Variants in DLGAP2 observed in about 807,000 individuals in gnomAD.
DLGAP2 encodes disks large-associated protein 2.
A neutral mutation model predicts 100.3 loss-of-function variants in DLGAP2; 26 were observed. The ratio of observed to expected loss-of-function variants is 0.26; its 90% CI spans 0.19 to 0.36. The LOEUF is 0.36. Among genes scored for constraint, DLGAP2 ranks in the 10% least tolerant of loss-of-function variants. The pLI is 1.00. For synonymous variants in DLGAP2, 886 were observed against 630.1 expected, an observed-to-expected ratio of 1.41 and a Z score of -6.08; for missense variants, 1,858 against 1,453.2, an observed-to-expected ratio of 1.28 and a Z score of -4.53.
At position 851,232 on chromosome 8, in the gene DLGAP2, C is replaced by T. The variant is rs551115650; in HGVS notation, c.19-56680C>T. ...CCCGGGAGCTGTGGGCTGTGCCATT[C>T]AACCCAGGGGTGTGGTAGAACGCAC... On this transcript the variant is annotated intron_variant, in intron 1 of 14. Transcript: ENST00000637795. Among the ~76,000 whole-genome samples the T allele has an allele frequency of 2.6e-5, 4 of 152,328 alleles. No homozygotes were observed. In the East Asian group the frequency reaches 7.7e-4, roughly 29 times the overall value.
chr8:1,006,342 G>A (rs1469214447), intron 2 of DLGAP2, among the ~76,000 whole-genome samples: 2 of 152,024 alleles, frequency 1.3e-5, no homozygotes, highest in Non-Finnish European at 2.9e-5. Context: ...CACGTCAGGG[G>A]TGCCCTGCGT....
At position 912,408 on chromosome 8, in the gene DLGAP2, G is replaced by T. The variant is rs529555099; in HGVS notation, c.73+4442G>T. On this transcript the variant is annotated intron_variant, in intron 2 of 14. Transcript: ENST00000637795. ...ATGGAAACTCCTGACTCTGAAATCA[G>T]GTCCCCGCAGCAATGTGCTGGTCCG... Among the ~76,000 whole-genome samples, 5 of 152,274 alleles carry T rather than the reference G, an allele frequency of 3.3e-5. No individual in the cohort carries two copies. The South Asian group carries it at 1.0e-3, about 32-fold the overall frequency.
intron 2 of DLGAP2, among the ~76,000 whole-genome samples, chr8:1,179,492 C>G (rs1428794757): frequency 6.6e-6 from 1 of 152,276 alleles, no homozygotes; most frequent in Non-Finnish European, 1.5e-5. Flanking sequence ...AGAGACGTGG[C>G]TGCCCCACAG....
chr8:1,691,335 C>G (rs1409044658), intron 12 of DLGAP2, among the ~76,000 whole-genome samples, 200 bp from the exon 13 acceptor site: 2 of 152,182 alleles, frequency 1.3e-5, no homozygotes, highest in African/African-American at 2.4e-5. Context: ...ACAGTGACAT[C>G]TGGTCATCTC....
intron 4 of DLGAP2, among the ~76,000 whole-genome samples, chr8:1,529,745 A>C (rs1253949016): frequency 6.6e-6 from 1 of 152,244 alleles, no homozygotes; most frequent in South Asian, 2.1e-4. Flanking sequence ...ATATTCACGT[A>C]GGTTCTTTTC....
chr8:1,024,935 G>A (rs977075810), intron 2 of DLGAP2, among the ~76,000 whole-genome samples: 2 of 152,214 alleles, frequency 1.3e-5, no homozygotes, highest in African/African-American at 4.8e-5. Context: ...CTGGAATGAC[G>A]GACAGAGGTG....
At chr8:1,106,023 A>G (rs571720323) in intron 2 of DLGAP2, among the ~76,000 whole-genome samples, 2 of 146,122 alleles carry the variant, frequency 1.4e-5, no homozygotes, top group African/African-American at 2.6e-5. Context: ...GAGCCATTCT[A>G]GGAGGATTTT....
At position 1,664,367 on chromosome 8, in the gene DLGAP2, C is replaced by A. The variant is rs527566354; in HGVS notation, c.1811-3962C>A. On this transcript the variant is annotated intron_variant, in intron 8 of 14. Coordinates refer to ENST00000637795, the MANE Select transcript of DLGAP2 (RefSeq NM_001346810.2). Reference sequence around the variant, plus strand: ...AGCTCCATCCATCTCAAGGCACGGCCAGGCTCACCCCCAGGAAGCTTCTTT... The same window carrying A: ...AGCTCCATCCATCTCAAGGCACGGCAAGGCTCACCCCCAGGAAGCTTCTTT... Among the ~76,000 whole-genome samples the A allele has an allele frequency of 6.6e-5, 10 of 152,258 alleles. No individual in the cohort carries two copies. The East Asian group carries it at 1.9e-3, about 29-fold the overall frequency.
intron 2 of DLGAP2, among the ~76,000 whole-genome samples, chr8:1,136,972 T>G (rs577386211): frequency 6.6e-6 from 1 of 152,240 alleles, no homozygotes; most frequent in Non-Finnish European, 1.5e-5. Flanking sequence ...ACTGTAATCC[T>G]GCCTCTCAAG....
intron 1 of DLGAP2, among the ~76,000 whole-genome samples, chr8:896,374 C>A (rs1273292085): frequency 6.6e-6 from 1 of 151,636 alleles, no homozygotes; most frequent in African/African-American, 2.4e-5. Context: ...ATTGCCAGTT[C>A]CACCTGGCAC....
intron 8 of DLGAP2, among the ~76,000 whole-genome samples, chr8:1,637,029 G>C (rs896589915): frequency 6.6e-6 from 1 of 152,234 alleles, no homozygotes; most frequent in Admixed American, 6.5e-5. Context: ...GGGAGGAGGT[G>C]CACCCCAGAG....
In DLGAP2 at chr8:1,075,317, G is replaced by A. The variant is rs141001229; in HGVS notation, c.73+167351G>A. ...CTGAAGGATCCCTAGGAGAGCAGGC[G>A]ATGCGGATTGAGGCGTGCATTGTGG... On this transcript the variant is annotated intron_variant, in intron 2 of 14. Coordinates refer to ENST00000637795, the MANE Select transcript of DLGAP2 (RefSeq NM_001346810.2). 1.0e-3 allele frequency among the ~76,000 whole-genome samples: 154 copies of A among 152,286 alleles called. 1 individual carries two copies. Among genetic ancestry groups the A allele is most frequent in the African/African-American group, 3.5e-3 (146 of 41,564 alleles).
intron 2 of DLGAP2, among the ~76,000 whole-genome samples, chr8:1,149,347 C>A (rs946120780): frequency 2.6e-5 from 4 of 152,026 alleles, no homozygotes; most frequent in Non-Finnish European, 4.4e-5. Context: ...CGGAGTTTCA[C>A]TGTGTTAGCC....
At chr8:948,089 C>T (rs1341812176) in intron 2 of DLGAP2, among the ~76,000 whole-genome samples, 1 of 151,506 alleles carries the variant, frequency 6.6e-6, no homozygotes, top group Non-Finnish European at 1.5e-5. Context: ...CCCATGCCAG[C>T]CCGCGTGCGC....
intron 1 of DLGAP2, among the ~76,000 whole-genome samples, chr8:799,984 G>A (rs1008996879): frequency 1.3e-5 from 2 of 152,186 alleles, no homozygotes; most frequent in Non-Finnish European, 2.9e-5. Flanking sequence ...GTGCTTTAAT[G>A]AAAGCCGCAG....
chr8:919,170 C>T (rs11137110), intron 2 of DLGAP2, among the ~76,000 whole-genome samples: 12,710 of 152,140 alleles, frequency 0.084, 608 homozygotes, highest in Admixed American at 0.14. Context: ...TATTATTTGA[C>T]CCGAAATGGA....
chr8:1,007,845 T>C (rs12675410), intron 2 of DLGAP2, among the ~76,000 whole-genome samples: 59,607 of 152,094 alleles, frequency 0.39, 11,998 homozygotes, highest in African/African-American at 0.46. Flanking sequence ...ACATAAAAAT[T>C]TATAAACTTC....
intron 1 of DLGAP2, 94 bp from the exon 2 acceptor site, chr8:907,818 T>G (rs11137109): frequency 0.65 from 257,165 of 396,436 alleles, 87,731 homozygotes; most frequent in Admixed American, 0.76. Flanking sequence ...AACATTGAAC[T>G]ACCTTATTAG....
At position 815,653 on chromosome 8, in the gene DLGAP2, T is replaced by C. The variant is rs936446006; in HGVS notation, c.18+77828T>C. Among the ~76,000 whole-genome samples, 3 of 152,220 alleles carry C rather than the reference T, an allele frequency of 2.0e-5. No individual in the cohort carries two copies. In the East Asian group the frequency reaches 5.8e-4, roughly 29 times the overall value. ...GGTTATAGATTGGTAAATAATGCCT[T>C]AACAATAATACTAGAAGAAGATATT... On this transcript the variant is annotated intron_variant, in intron 1 of 14. Coordinates refer to ENST00000637795, the MANE Select transcript of DLGAP2 (RefSeq NM_001346810.2).
Sources: allele counts gnomAD v4.1 joint callset (sites outside exome capture counted in the v4.1 genomes callset), GRCh38; gene constraint gnomAD v4.1.1; transcripts MANE v1.5; gene names NCBI Gene and HGNC (gene_info 2026-07-23, HGNC 2026-07-21).